The following CENPE variants were observed in gnomAD, a reference collection of about 807,000 sequenced individuals.
CENPE encodes centromere protein E, also known as centromere-associated protein E.
A neutral mutation model predicts 336.1 loss-of-function variants in CENPE; 145 were observed. The observed-to-expected ratio is 0.43, with a 90% confidence interval of 0.38 to 0.50. CENPE has a LOEUF of 0.50. Ranked by LOEUF, CENPE falls within the 20% of genes least tolerant of loss-of-function variation. The pLI, the probability that CENPE is intolerant of heterozygous loss-of-function variation, is 0.00. For synonymous variants in CENPE, 1,013 were observed against 984.8 expected, an observed-to-expected ratio of 1.03 and a Z score of -0.54; for missense variants, 2,719 against 3,023.3, an observed-to-expected ratio of 0.90 and a Z score of 2.36.
chr4:103,147,878 G>A (rs1361997613), intron 28 of CENPE, among the ~76,000 whole-genome samples: 1 of 152,084 alleles, frequency 6.6e-6, no homozygotes, highest in African/African-American at 2.4e-5. Context: ...ATTTTTAGTA[G>A]AGACGGGGTT....
chr4:103,111,215 C>G (rs748896671), intron 46 of CENPE, among the ~76,000 whole-genome samples: 11 of 152,140 alleles, frequency 7.2e-5, no homozygotes, highest in Non-Finnish European at 1.0e-4. Flanking sequence ...CCTCTAGAAT[C>G]CCCCTCAACC....
intron 42 of CENPE, among the ~76,000 whole-genome samples, chr4:103,131,564 C>A (rs1009230110): frequency 6.6e-5 from 10 of 152,148 alleles, no homozygotes; most frequent in African/African-American, 2.4e-4. Flanking sequence ...CAAAACTAAA[C>A]AAACTTTTAC....
chr4:103,186,742 T>C (rs1209562297), intron 8 of CENPE, among the ~76,000 whole-genome samples: 8 of 152,098 alleles, frequency 5.3e-5, no homozygotes, highest in African/African-American at 1.9e-4. Flanking sequence ...AGAGATTATT[T>C]AAATAGAGCT....
intron 48 of CENPE, 140 bp from the exon 49 acceptor site, chr4:103,106,456 T>C (rs894977469): frequency 7.8e-6 from 4 of 510,176 alleles, no homozygotes; most frequent in Non-Finnish European, 1.4e-5. Flanking sequence ...TGTTTGGTCA[T>C]GAAGATGGTG....
intron 46 of CENPE, among the ~76,000 whole-genome samples, chr4:103,112,389 GCA>G (rs1300496952): frequency 7.0e-6 from 1 of 143,470 alleles, no homozygotes; most frequent in Non-Finnish European, 1.5e-5. Context: ...ACATGTGCAC[GCA>G]CAAATATACA....
At chr4:103,156,688 T>C (rs1411849023) in intron 24 of CENPE, among the ~76,000 whole-genome samples, 2 of 152,034 alleles carry the variant, frequency 1.3e-5, no homozygotes, top group Non-Finnish European at 2.9e-5. Context: ...TTCTTGGATA[T>C]GACACCAAAA....
intron 3 of CENPE, 26 bp downstream of exon 3, chr4:103,196,137 T>G: frequency 1.2e-6 from 2 of 1,602,520 alleles, no homozygotes; most frequent in South Asian, 1.1e-5. Flanking sequence ...ACTAAAATGT[T>G]TCTGCAGCAT....
intron 8 of CENPE, among the ~76,000 whole-genome samples, chr4:103,186,507 T>C (rs1400592584): frequency 1.3e-5 from 2 of 152,230 alleles, no homozygotes; most frequent in Admixed American, 1.3e-4. Flanking sequence ...GCTGTAGCAA[T>C]ACCATGACTT....
At position 103,196,887 on chromosome 4, in the gene CENPE, A is replaced by G. The variant is rs201776095; in HGVS notation, c.57-37T>C. On this transcript the variant is annotated intron_variant, in intron 1 of 48. Coordinates refer to ENST00000265148, the MANE Select transcript of CENPE (RefSeq NM_001813.3). ...AAAACACCGCATTTTAACCAGTCATAAAAGTCATGTCATAGGAGGAATAAT... is the reference window on the plus strand; with the variant it reads ...AAAACACCGCATTTTAACCAGTCATGAAAGTCATGTCATAGGAGGAATAAT... The G allele has an allele frequency of 3.3e-4, 325 of 976,722 alleles. 1 individual carries two copies. Among genetic ancestry groups the G allele is most frequent in the Non-Finnish European group, 4.6e-4 (281 of 609,024 alleles). The allele number at this position is 976,722 out of a possible 1,614,324, so 60.5% of individuals were successfully genotyped here.
At position 103,153,070 on chromosome 4, in the gene CENPE, C is replaced by G; in HGVS notation, c.3214G>C (p.Asp1072His). The change falls in exon 25 of 49, where the codon GAC becomes CAC. Residue 1072 changes from aspartate to histidine, a missense_variant. Transcript: ENST00000265148. Reference sequence around the variant, plus strand: ...ACCATTTCAATATTTTCCTTTAGGTCAGTCTTCAATTGTTCCTTTTCTGCT... The same window carrying G: ...ACCATTTCAATATTTTCCTTTAGGTGAGTCTTCAATTGTTCCTTTTCTGCT... The part of the protein sequence containing the change: ...VIAEKEQLKT[D>H]LKENIEMTIE... 1 of 1,611,820 alleles carries G rather than the reference C, an allele frequency of 6.2e-7. No homozygotes were observed. Among genetic ancestry groups the G allele is most frequent in the South Asian group, 1.1e-5 (1 of 90,656 alleles).
intron 16 of CENPE, among the ~76,000 whole-genome samples, chr4:103,166,599 T>A (rs1754941001): frequency 1.3e-5 from 2 of 152,248 alleles, no homozygotes; most frequent in Admixed American, 1.3e-4. Flanking sequence ...GGCATAGAAT[T>A]CTTTTTTCCT....
At chr4:103,160,597 A>C in intron 21 of CENPE, 28 bp downstream of exon 21, 1 of 1,557,822 alleles carries the variant, frequency 6.4e-7, no homozygotes. Context: ...TTTCAAAATA[A>C]GGGATAAGTG....
At chr4:103,119,868 C>G (rs1027381036) in intron 44 of CENPE, among the ~76,000 whole-genome samples, 24 of 151,968 alleles carry the variant, frequency 1.6e-4, no homozygotes, top group Non-Finnish European at 2.8e-4. Context: ...TTTTGATAAG[C>G]AATTTTTGAA....
At chr4:103,175,527 C>A (rs1204143938) in intron 15 of CENPE, among the ~76,000 whole-genome samples, 2 of 152,062 alleles carry the variant, frequency 1.3e-5, no homozygotes, top group African/African-American at 4.8e-5. Context: ...TACAACTATA[C>A]ATCTTTAAAC....
In CENPE at chr4:103,149,301, C is replaced by T. The variant is rs1753345780; in HGVS notation, c.3504G>A (p.Lys1168=). Residue 1168 remains lysine (K), a synonymous_variant, in exon 27 of 49, where the codon AAG becomes AAA. Coordinates refer to ENST00000265148, the MANE Select transcript of CENPE (RefSeq NM_001813.3). ...TATGTTCCAATGTCAATTCTTTGTT[C>T]TTTAATTCATTCTTTAAATTCTCTA... ...NEIENLKNEL[K]NKELTLEHME... The T allele has an allele frequency of 1.2e-6, 2 of 1,612,230 alleles. No homozygotes were observed. The highest frequency in any genetic ancestry group is 1.3e-5 in the African/African-American group (1 of 74,998).
At chr4:103,127,943 C>T (rs896427551) in intron 42 of CENPE, among the ~76,000 whole-genome samples, 16 of 152,082 alleles carry the variant, frequency 1.1e-4, no homozygotes, top group Non-Finnish European at 2.1e-4. Context: ...TCACCTTAAA[C>T]GTCAATGGTC....
chr4:103,176,070 A>T, intron 14 of CENPE, 22 bp from the exon 15 acceptor site: 2 of 1,453,808 alleles, frequency 1.4e-6, no homozygotes, highest in Non-Finnish European at 9.4e-7. Flanking sequence ...GAAAAAAAAA[A>T]TTTGTCCATG....
intron 18 of CENPE, among the ~76,000 whole-genome samples, chr4:103,162,316 TAA>T (rs371563018): frequency 6.8e-6 from 1 of 146,728 alleles, no homozygotes; most frequent in African/African-American, 2.5e-5. Context: ...ACTGTTATCA[TAA>T]AAAAAAAAGT....
chr4:103,173,683 A>G (rs1189412104), intron 16 of CENPE, among the ~76,000 whole-genome samples: 2 of 120,792 alleles, frequency 1.7e-5, no homozygotes, highest in African/African-American at 5.3e-5. Context: ...AAACAACTCA[A>G]TAGCAAAAAA....
Sources: allele counts gnomAD v4.1 joint callset (sites outside exome capture counted in the v4.1 genomes callset), GRCh38; gene constraint gnomAD v4.1.1; transcripts MANE v1.5; gene names NCBI Gene and HGNC (gene_info 2026-07-23, HGNC 2026-07-21).